KANK1: variants seen among roughly 807,000 people sequenced by gnomAD.
KANK1 encodes the protein KN motif and ankyrin repeat domains 1, also known as KN motif and ankyrin repeat domain-containing protein 1.
A neutral mutation model predicts 106.2 loss-of-function variants in KANK1; 109 were observed. The observed-to-expected ratio is 1.03, with a 90% CI of 0.88 to 1.20. The LOEUF is 1.20. KANK1 is among the 50% of genes most tolerant of loss of function. KANK1 has a pLI of 0.00. For missense variants in KANK1, 2,399 were observed against 1,710.7 expected (o/e 1.40, Z -7.10); for synonymous variants, 873 against 652.2 (o/e 1.34, Z -5.16).
In KANK1 at chr9:712,089, A is replaced by G; in HGVS notation, c.1323A>G (p.Thr441=). 6.2e-7 allele frequency: 1 copy of G among 1,614,186 alleles called. No individual in the cohort carries two copies. Among genetic ancestry groups the G allele is most frequent in the Non-Finnish European group, 8.5e-7 (1 of 1,180,040 alleles). ...VEMRNCGVSV[T]EAMLGVMTEA... ...TGAGAAATTGTGGGGTCAGCGTGAC[A>G]GAGGCCATGCTTGGAGTGATGACTG... Residue 441 remains threonine (T), a synonymous_variant, in exon 3 of 12, where the codon ACA becomes ACG. Transcript: ENST00000382297.
At chr9:596,021 A>G (rs530011739) in intron 1 of KANK1, among the ~76,000 whole-genome samples, 12 of 152,002 alleles carry the variant, frequency 7.9e-5, no homozygotes, top group Non-Finnish European at 1.8e-4. Context: ...ACACAAGTCT[A>G]AATAACAAGT....
At chr9:561,654 G>T (rs777476974) in intron 1 of KANK1, among the ~76,000 whole-genome samples, 3 of 152,214 alleles carry the variant, frequency 2.0e-5, no homozygotes, top group African/African-American at 7.2e-5. Flanking sequence ...AAAGAAGTCA[G>T]ATTACCCCAA....
At chr9:487,830 C>T (rs2058318843) in intron 3 of KANK1, 1 of 152,200 alleles carries the variant, frequency 6.6e-6, no homozygotes, top group Admixed American at 6.5e-5. Flanking sequence ...CTTCCCAAAT[C>T]CTCTGTCAGT....
At chr9:653,522 C>G (rs1841390129) in intron 1 of KANK1, among the ~76,000 whole-genome samples, 1 of 152,114 alleles carries the variant, frequency 6.6e-6, no homozygotes, top group African/African-American at 2.4e-5. Flanking sequence ...TTCCTTGGGT[C>G]TGGCCTCTTT....
intron 3 of KANK1, among the ~76,000 whole-genome samples, chr9:723,074 A>T (rs1268368041): frequency 6.6e-6 from 1 of 152,190 alleles, no homozygotes. Context: ...AAGGATGGCG[A>T]ATTTCCAGAC....
chr9:589,745 G>T (rs1440098525), intron 1 of KANK1, among the ~76,000 whole-genome samples: 2 of 152,168 alleles, frequency 1.3e-5, no homozygotes, highest in African/African-American at 4.8e-5. Context: ...GAAGAAAGAA[G>T]GAAGTATTTA....
chr9:527,259 T>G (rs1383309947), intron 1 of KANK1, among the ~76,000 whole-genome samples: 1 of 151,540 alleles, frequency 6.6e-6, no homozygotes, highest in Non-Finnish European at 1.5e-5. Flanking sequence ...CCTCCTCCTT[T>G]GTGGTTTCTT....
At chr9:571,360 C>G (rs763843362) in intron 1 of KANK1, among the ~76,000 whole-genome samples, 1 of 152,094 alleles carries the variant, frequency 6.6e-6, no homozygotes, top group Non-Finnish European at 1.5e-5. Context: ...TTTGGCAACA[C>G]GTGTTAATGG....
rs183965504 is a variant in KANK1 at position 585,536 on chromosome 9, A to G, written c.-84+80782A>G. 9.4e-4 allele frequency among the ~76,000 whole-genome samples: 143 copies of G among 152,294 alleles called. 1 individual carries two copies. The highest frequency in any genetic ancestry group is 1.5e-3 in the Non-Finnish European group (102 of 68,016). ...ATTTCAAAAAGCATTGACAGAACCGATCCAAAAAATATGTAGTTTGTAAAA... is the reference window on the plus strand; with the variant it reads ...ATTTCAAAAAGCATTGACAGAACCGGTCCAAAAAATATGTAGTTTGTAAAA... On this transcript the variant is annotated intron_variant, in intron 1 of 11. Coordinates refer to ENST00000382297, the MANE Select transcript of KANK1 (RefSeq NM_015158.5).
At chr9:707,251 G>C (rs1824556992) in intron 2 of KANK1, 11 of 985,726 alleles carry the variant, frequency 1.1e-5, no homozygotes, top group Non-Finnish European at 1.3e-5. Context: ...CCACGTGGTA[G>C]GTGAGCTGCG....
intron 1 of KANK1, among the ~76,000 whole-genome samples, chr9:630,087 G>A (rs1394579439): frequency 6.6e-6 from 1 of 151,598 alleles, no homozygotes; most frequent in African/African-American, 2.4e-5. Context: ...GTCTCCACTA[G>A]AAAATACAAA....
intron 1 of KANK1, among the ~76,000 whole-genome samples, chr9:653,303 C>T (rs988597066): frequency 6.6e-5 from 10 of 152,140 alleles, no homozygotes; most frequent in African/African-American, 1.4e-4. Flanking sequence ...TTCCCAGGCT[C>T]GTGGTCTCTC....
At chr9:527,167 T>C (rs1024000847) in intron 1 of KANK1, among the ~76,000 whole-genome samples, 6 of 151,746 alleles carry the variant, frequency 4.0e-5, no homozygotes, top group African/African-American at 1.5e-4. Context: ...CATTCATCCT[T>C]TCTTCCTGAA....
At chr9:696,457 G>GGTA (rs1821330250) in intron 2 of KANK1, among the ~76,000 whole-genome samples, 1 of 152,170 alleles carries the variant, frequency 6.6e-6, no homozygotes, top group African/African-American at 2.4e-5. Context: ...AGCAGTTGAG[G>GGTA]GTAAGTAGGG....
At chr9:506,383 G>C (rs1425332545) in intron 1 of KANK1, among the ~76,000 whole-genome samples, 1 of 152,184 alleles carries the variant, frequency 6.6e-6, no homozygotes, top group African/African-American at 2.4e-5. Context: ...GCTGCCAGTA[G>C]AGGAATAATT....
At chr9:695,075 C>G (rs972748277) in intron 2 of KANK1, among the ~76,000 whole-genome samples, 1 of 152,160 alleles carries the variant, frequency 6.6e-6, no homozygotes, top group African/African-American at 2.4e-5. Context: ...TTCCAGGGCT[C>G]TCTTGCCCAT....
At chr9:569,501 C>G (rs996064070) in intron 1 of KANK1, among the ~76,000 whole-genome samples, 1 of 152,158 alleles carries the variant, frequency 6.6e-6, no homozygotes, top group Admixed American at 6.5e-5. Context: ...GTGCTGCCTC[C>G]AGACTCTGTC....
intron 1 of KANK1, among the ~76,000 whole-genome samples, chr9:628,390 G>C (rs2136656617): frequency 6.6e-6 from 1 of 150,480 alleles, no homozygotes; most frequent in African/African-American, 2.4e-5. Flanking sequence ...AATAACTCCT[G>C]TAATGGGCCT....
intron 2 of KANK1, among the ~76,000 whole-genome samples, chr9:709,756 C>A (rs536983062): frequency 5.3e-4 from 80 of 152,126 alleles, no homozygotes; most frequent in African/African-American, 1.8e-3. Context: ...ACTGGGATTA[C>A]AGGCGCCTGC....
Sources: allele counts gnomAD v4.1 joint callset (sites outside exome capture counted in the v4.1 genomes callset), GRCh38; gene constraint gnomAD v4.1.1; transcripts MANE v1.5; gene names NCBI Gene and HGNC (gene_info 2026-07-23, HGNC 2026-07-21).